Variants in LRRC38 observed in about 807,000 individuals in gnomAD.
LRRC38 encodes the protein leucine-rich repeat-containing protein 38.
Under a neutral mutation model 16.4 loss-of-function variants are expected in LRRC38, and 5 were observed. The ratio of observed to expected loss-of-function variants is 0.31; its 90% CI spans 0.16 to 0.64. The LOEUF (loss-of-function observed/expected upper bound fraction) is 0.64, where lower values mean the gene tolerates loss of function less well. LRRC38 is among the 30% of genes least tolerant of loss of function. The pLI, the probability that LRRC38 is intolerant of heterozygous loss-of-function variation, is 0.80. For synonymous variants in LRRC38, 191 were observed against 190.2 expected (o/e 1.00, Z -0.04); for missense variants, 341 against 401.8 (o/e 0.85, Z 1.29).
intron 1 of LRRC38, among the ~76,000 whole-genome samples, chr1:13,484,101 C>G (rs1386881639): frequency 6.6e-6 from 1 of 152,138 alleles, no homozygotes; most frequent in Non-Finnish European, 1.5e-5. Context: ...CCCTGCTAAA[C>G]CCCTCCACTC....
rs1262362058 is a variant in LRRC38 at position 13,476,223 on chromosome 1, GA to G, written c.632-125del. The G allele has an allele frequency of 5.1e-5, 39 of 765,716 alleles. No homozygotes were observed. The East Asian group carries it at 9.0e-4, about 18-fold the overall frequency. 47.4% of individuals were successfully genotyped at this position (765,716 alleles called of 1,614,324 possible). A position where few individuals can be genotyped will look rare whatever the true frequency, so the allele number is the denominator to read the frequency against. ...GCATCCTCCCAAAAATAAAAGGGGG[GA>G]AAAGGCTAATTTAAATGGAATTTAA... On this transcript the variant is annotated intron_variant, in intron 1 of 1. Coordinates refer to ENST00000376085, the MANE Select transcript of LRRC38 (RefSeq NM_001010847.2).
At chr1:13,483,915 A>AGAGAG (rs1361576735) in intron 1 of LRRC38, among the ~76,000 whole-genome samples, 10 of 137,118 alleles carry the variant, frequency 7.3e-5, no homozygotes, top group African/African-American at 2.2e-4. Flanking sequence ...CAGAACCAAC[A>AGAGAG]GAGAGGAGAG....
chr1:13,489,398 T>G (rs1638980494), intron 1 of LRRC38, among the ~76,000 whole-genome samples: 1 of 152,186 alleles, frequency 6.6e-6, no homozygotes. Context: ...ATAGAAGATC[T>G]GAAGTCACCT....
chr1:13,489,134 A>G (rs963072061), intron 1 of LRRC38, among the ~76,000 whole-genome samples: 2 of 152,174 alleles, frequency 1.3e-5, no homozygotes, highest in Non-Finnish European at 2.9e-5. Context: ...CCCATGGCCT[A>G]GAGGAAGGAC....
At chr1:13,499,799 C>A (rs994873836) in intron 1 of LRRC38, among the ~76,000 whole-genome samples, 1 of 152,074 alleles carries the variant, frequency 6.6e-6, no homozygotes, top group Non-Finnish European at 1.5e-5. Context: ...GACCACAGTG[C>A]GACCCACGGG....
chr1:13,491,670 C>A (rs1174561996), intron 1 of LRRC38, among the ~76,000 whole-genome samples: 1 of 151,780 alleles, frequency 6.6e-6, no homozygotes, highest in African/African-American at 2.4e-5. Flanking sequence ...CAGCCATTTT[C>A]TTTTCTCTCT....
intron 1 of LRRC38, among the ~76,000 whole-genome samples, chr1:13,478,435 G>T (rs1638812717): frequency 6.6e-6 from 1 of 152,230 alleles, no homozygotes; most frequent in Non-Finnish European, 1.5e-5. Context: ...TTTGAACCCA[G>T]CCATTTGGCT....
In LRRC38 at chr1:13,513,279, C is replaced by T. The variant is rs759480827; in HGVS notation, c.315G>A (p.Lys105=). Residue 105 remains lysine (K), a synonymous_variant, in exon 1 of 2, where the codon AAG becomes AAA. Coordinates refer to ENST00000376085, the MANE Select transcript of LRRC38 (RefSeq NM_001010847.2). ...TGTAGCTGAGGTCGAGGAACACGAG[C>T]TTGGCCGAGCCGCTGAACGTGCCCT... ...LEEGTFSGSA[K]LVFLDLSYNN... is the part of the protein sequence containing the mutation. The T allele has an allele frequency of 6.4e-7, 1 of 1,550,452 alleles. No homozygotes were observed. The highest frequency in any genetic ancestry group is 8.7e-7 in the Non-Finnish European group (1 of 1,146,970).
chr1:13,483,938 G>C (rs551642418), intron 1 of LRRC38, among the ~76,000 whole-genome samples: 3 of 149,724 alleles, frequency 2.0e-5, no homozygotes, highest in African/African-American at 4.9e-5. Flanking sequence ...GTGGGGAGGG[G>C]AGGAGCGGGG....
rs1172883636 is a variant in LRRC38 at position 13,496,902 on chromosome 1, T to C, written c.631+16061A>G. ...ATGGGGCTGCGGCCCAGGGAGAAGG[T>C]GGCATTTGAGAAAGGGTCTGACGGG... On this transcript the variant is annotated intron_variant, in intron 1 of 1. Coordinates refer to ENST00000376085, the MANE Select transcript of LRRC38 (RefSeq NM_001010847.2). 2.6e-5 allele frequency among the ~76,000 whole-genome samples: 4 copies of C among 151,936 alleles called. No homozygotes were observed. In the East Asian group the frequency reaches 7.8e-4, roughly 29 times the overall value.
At chr1:13,510,845 C>T (rs538707088) in intron 1 of LRRC38, among the ~76,000 whole-genome samples, 1 of 152,192 alleles carries the variant, frequency 6.6e-6, no homozygotes, top group Non-Finnish European at 1.5e-5. Context: ...AGATTATAAA[C>T]CTGAGTCCAA....
intron 1 of LRRC38, among the ~76,000 whole-genome samples, chr1:13,480,476 A>G (rs1478376891): frequency 6.6e-6 from 1 of 152,220 alleles, no homozygotes; most frequent in Non-Finnish European, 1.5e-5. Flanking sequence ...GTAGACTTTT[A>G]AATTTTTTTG....
chr1:13,507,774 G>A (rs1639230061), intron 1 of LRRC38, among the ~76,000 whole-genome samples: 1 of 152,148 alleles, frequency 6.6e-6, no homozygotes, highest in Admixed American at 6.5e-5. Context: ...GGAGGTTGCA[G>A]TGAGTCGAGA....
At chr1:13,509,416 C>T (rs1331407834) in intron 1 of LRRC38, among the ~76,000 whole-genome samples, 1 of 152,162 alleles carries the variant, frequency 6.6e-6, no homozygotes, top group Admixed American at 6.5e-5. Context: ...CAAAGCCAAG[C>T]CCAGAGTCCA....
intron 1 of LRRC38, among the ~76,000 whole-genome samples, chr1:13,496,716 C>G (rs552123004): frequency 6.6e-6 from 1 of 152,172 alleles, no homozygotes; most frequent in East Asian, 1.9e-4. Flanking sequence ...AAACACTGAA[C>G]AGAACAGACG....
intron 1 of LRRC38, among the ~76,000 whole-genome samples, chr1:13,479,059 C>T (rs1481682394): frequency 6.6e-6 from 1 of 152,100 alleles, no homozygotes; most frequent in African/African-American, 2.4e-5. Flanking sequence ...AGAGGCCAAA[C>T]TTCTGAGAAT....
chr1:13,488,268 T>TC (rs905766297), intron 1 of LRRC38, among the ~76,000 whole-genome samples: 24 of 67,590 alleles, frequency 3.6e-4, no homozygotes, highest in African/African-American at 2.9e-3. Context: ...CTTGCACACT[T>TC]TTTTTTTTTT....
Position 13,481,768 on chromosome 1 carries a change from TC to T in LRRC38, c.632-5670del, listed in dbSNP as rs1638868966. Among the ~76,000 whole-genome samples, 3 of 30,780 alleles carry T rather than the reference TC, an allele frequency of 9.7e-5. No homozygotes were observed. The East Asian group carries it at 2.8e-3, about 29-fold the overall frequency. The allele number at this position is 30,780 out of a possible 152,430, so 20.2% of individuals were successfully genotyped here. On this transcript the variant is annotated intron_variant, in intron 1 of 1. Coordinates refer to ENST00000376085, the MANE Select transcript of LRRC38 (RefSeq NM_001010847.2). The stretch of plus-strand genomic sequence containing the variant: ...CTGCCTCTCACTTTCTTTCCCTCTC[TC>T]TCCCTCTCTCCCTCTCTCCCTCTCT...
rs534263631 is a variant in LRRC38 at position 13,483,044 on chromosome 1, C to T, written c.632-6945G>A. 9.2e-5 allele frequency among the ~76,000 whole-genome samples: 14 copies of T among 152,312 alleles called. No individual in the cohort carries two copies. The South Asian group carries it at 1.9e-3, about 20-fold the overall frequency. On this transcript the variant is annotated intron_variant, in intron 1 of 1. Transcript: ENST00000376085. ...TGGCTCTGGAGCTTGGCCACTGCAT[C>T]GTGCCTCCCACTCTCCCAGGCACGA...
Sources: gnomAD v4.1 joint callset for allele counts (sites outside exome capture counted in the v4.1 genomes callset) on GRCh38, gnomAD v4.1.1 for gene constraint, MANE v1.5 for transcripts, NCBI Gene and HGNC (gene_info 2026-07-23, HGNC 2026-07-21) for gene names.